CFAP70: variants seen among roughly 807,000 people sequenced by gnomAD.
CFAP70 encodes cilia- and flagella-associated protein 70.
A neutral mutation model predicts 137.6 loss-of-function variants in CFAP70; 81 were observed. The observed-to-expected ratio is 0.59, with a 90% CI of 0.49 to 0.71. The LOEUF is 0.71. Among genes scored for constraint, CFAP70 ranks in the 30% least tolerant of loss-of-function variants. CFAP70 has a pLI of 0.00. For synonymous variants in CFAP70, 382 were observed against 423.6 expected (o/e 0.90, Z 1.20); for missense variants, 976 against 1,226.7 (o/e 0.80, Z 3.05).
At chr10:73,278,427 A>T (rs1564772997) in intron 19 of CFAP70, 90 bp from the exon 21 acceptor site, 3 of 1,016,502 alleles carry the variant, frequency 3.0e-6, no homozygotes, top group Non-Finnish European at 4.3e-6. Context: ...AAAGCATAAG[A>T]AACATATTCC....
chr10:73,314,218 G>A (rs2050157539), intron 9 of CFAP70, among the ~76,000 whole-genome samples: 1 of 152,268 alleles, frequency 6.6e-6, no homozygotes, highest in African/African-American at 2.4e-5. Flanking sequence ...GGTAATGTGT[G>A]TATGTTCATT....
intron 25 of CFAP70, among the ~76,000 whole-genome samples, chr10:73,258,759 G>A (rs2044792950): frequency 6.6e-6 from 1 of 152,212 alleles, no homozygotes; most frequent in Non-Finnish European, 1.5e-5. Context: ...GCCGCTCTGG[G>A]AGTGTCTCTC....
intron 7 of CFAP70, among the ~76,000 whole-genome samples, chr10:73,331,671 C>A (rs1177193457): frequency 6.6e-6 from 1 of 152,010 alleles, no homozygotes; most frequent in Non-Finnish European, 1.5e-5. Flanking sequence ...CACCGTGAGA[C>A]CCTGTCTCAA....
intron 12 of CFAP70, among the ~76,000 whole-genome samples, chr10:73,303,004 C>T (rs2132017881): frequency 6.6e-6 from 1 of 150,906 alleles, no homozygotes; most frequent in South Asian, 2.1e-4. Context: ...CTCAGCAACC[C>T]CACCGCCCCC....
chr10:73,346,045 C>T (rs917719017), intron 4 of CFAP70, among the ~76,000 whole-genome samples: 2 of 151,192 alleles, frequency 1.3e-5, no homozygotes, highest in Admixed American at 6.6e-5. Flanking sequence ...AGTACAGGCG[C>T]ATGCCACCAT....
chr10:73,273,226 A>G (rs1040358382), intron 23 of CFAP70, among the ~76,000 whole-genome samples: 2 of 152,196 alleles, frequency 1.3e-5, no homozygotes, highest in African/African-American at 4.8e-5. Context: ...GCAGACTTTC[A>G]CTTGGAAGTA....
chr10:73,326,342 T>C (rs1415701055), intron 8 of CFAP70, among the ~76,000 whole-genome samples: 1 of 146,686 alleles, frequency 6.8e-6, no homozygotes, highest in Non-Finnish European at 1.5e-5. Flanking sequence ...AAGCAGTGTG[T>C]AGAGGGAAAT....
exon 14 of CFAP70, chr10:73,298,938 C>A: frequency 6.2e-7 from 1 of 1,614,004 alleles, no homozygotes. Context: ...AAAGTATTTT[C>A]CAGAGCAATT....
chr10:73,279,938 AG>A (rs990495924), intron 19 of CFAP70, among the ~76,000 whole-genome samples: 1 of 152,170 alleles, frequency 6.6e-6, no homozygotes, highest in Non-Finnish European at 1.5e-5. Flanking sequence ...GAAAAAAAAA[AG>A]AAAAAACTTA....
chr10:73,285,781 CCCA>C (rs2047654118), intron 19 of CFAP70, among the ~76,000 whole-genome samples: 1 of 151,660 alleles, frequency 6.6e-6, no homozygotes, highest in Non-Finnish European at 1.5e-5. Flanking sequence ...ATTACAGGCG[CCCA>C]CCACCACACC....
At chr10:73,326,924 A>G (rs909222111) in intron 8 of CFAP70, among the ~76,000 whole-genome samples, 5 of 151,718 alleles carry the variant, frequency 3.3e-5, no homozygotes, top group Non-Finnish European at 5.9e-5. Flanking sequence ...AGGAACTGGT[A>G]CCATTCCTTC....
chr10:73,355,427 T>G (rs1004439388), intron 1 of CFAP70, among the ~76,000 whole-genome samples: 12 of 152,226 alleles, frequency 7.9e-5, no homozygotes, highest in African/African-American at 2.9e-4. Flanking sequence ...ACTGTCTAGC[T>G]GCAGGAAAAC....
At chr10:73,322,984 T>A in exon 9 of CFAP70, 1 of 1,612,348 alleles carries the variant, frequency 6.2e-7, no homozygotes, top group Non-Finnish European at 8.5e-7. Flanking sequence ...CTACACTGTC[T>A]AGGTAAGGGT....
intron 7 of CFAP70, among the ~76,000 whole-genome samples, chr10:73,335,060 C>CTTTT (rs547226854): frequency 5.3e-4 from 63 of 118,306 alleles, no homozygotes; most frequent in African/African-American, 7.4e-4. Context: ...TCTTCTTCTT[C>CTTTT]TTTTTTTTTT....
chr10:73,294,168 A>C (rs1232195074), intron 15 of CFAP70: 2 of 152,144 alleles, frequency 1.3e-5, no homozygotes, highest in Admixed American at 1.3e-4. Context: ...AGTTTTGATT[A>C]TCTTGACCCC....
chr10:73,284,878 G>T (rs2047570555), intron 19 of CFAP70, among the ~76,000 whole-genome samples: 1 of 143,396 alleles, frequency 7.0e-6, no homozygotes. Flanking sequence ...TACATTAGCA[G>T]AGTTGATTAT....
At chr10:73,285,854 T>C (rs1589354349) in intron 19 of CFAP70, among the ~76,000 whole-genome samples, 1 of 151,982 alleles carries the variant, frequency 6.6e-6, no homozygotes, top group Non-Finnish European at 1.5e-5. Flanking sequence ...AGTCTGGTCT[T>C]GAACTCCTGA....
intron 15 of CFAP70, 144 bp downstream of exon 16, chr10:73,296,898 C>A (rs2048584271): frequency 1.1e-6 from 1 of 911,954 alleles, no homozygotes; most frequent in Non-Finnish European, 1.6e-6. Flanking sequence ...TAGGCAGTTT[C>A]TTACTCATCT....
At chr10:73,274,841 T>G (rs2046578675) in intron 22 of CFAP70, 1 of 459,726 alleles carries the variant, frequency 2.2e-6, no homozygotes, top group Non-Finnish European at 3.8e-6. Flanking sequence ...GGGTGTGGAG[T>G]AAATATTAAG....
Sources: gnomAD v4.1 joint callset for allele counts (sites outside exome capture counted in the v4.1 genomes callset) on GRCh38, gnomAD v4.1.1 for gene constraint, MANE v1.5 for transcripts, NCBI Gene and HGNC (gene_info 2026-07-23, HGNC 2026-07-21) for gene names.